Variants in NCS1 observed in about 807,000 individuals in gnomAD.
NCS1 encodes the protein neuronal calcium sensor 1, also known as frequenin homolog.
In NCS1, 6 loss-of-function variants were observed where a neutral mutation model predicts 28.4. That is an observed-to-expected ratio of 0.21 (90% confidence interval 0.12 to 0.42). NCS1 has a LOEUF of 0.42. NCS1 is among the 10% of genes least tolerant of loss of function. The probability of loss-of-function intolerance (pLI) is 1.00; values close to 1 mark genes in which losing one functional copy is unlikely to be tolerated. For synonymous variants in NCS1, 86 were observed against 99.3 expected (o/e 0.87, Z 0.79); for missense variants, 131 against 241.4 (o/e 0.54, Z 3.03).
In NCS1 at chr9:130,172,581, G is replaced by A; in HGVS notation, c.-83G>A. The stretch of plus-strand genomic sequence containing the variant: ...CGCCGCAGACAAAGGCGCGGCCCCG[G>A]CCCGGCCCGCCCGGCCCAGCCGCTC... On this transcript the variant is annotated 5_prime_UTR_variant, in exon 1 of 8. Coordinates refer to ENST00000372398, the MANE Select transcript of NCS1 (RefSeq NM_014286.4). 1 of 702,168 alleles carries A rather than the reference G, an allele frequency of 1.4e-6. No homozygotes were observed. The highest frequency in any genetic ancestry group is 6.1e-5 in the South Asian group (1 of 16,298). The allele number at this position is 702,168 out of a possible 1,614,324, so 43.5% of individuals were successfully genotyped here. A position where few individuals can be genotyped will look rare whatever the true frequency, so the allele number is the denominator to read the frequency against.
chr9:130,217,920 G>C lies in NCS1; in HGVS notation c.178G>C (p.Asp60His). The part of the protein sequence containing the change: ...KIYKQFFPFG[D>H]PTKFATFVFN... ...CTACAAGCAATTCTTCCCGTTCGGAGACCCCACCAAGTTTGCCACATTTGT... is the reference window on the plus strand; with the variant it reads ...CTACAAGCAATTCTTCCCGTTCGGACACCCCACCAAGTTTGCCACATTTGT... Residue 60 changes from aspartate to histidine, a missense_variant, in exon 3 of 8, where the codon GAC (aspartate) becomes CAC (histidine). This residue lies in a region of NCS1 where 100 missense variants were observed against 210.3 expected (regional missense o/e 0.48). Coordinates refer to ENST00000372398, the MANE Select transcript of NCS1 (RefSeq NM_014286.4). The C allele has an allele frequency of 6.2e-7, 1 of 1,614,160 alleles. No homozygotes were observed.
chr9:130,220,542 C>CGCGTGT (rs1564713218), intron 4 of NCS1, among the ~76,000 whole-genome samples: 1 of 151,848 alleles, frequency 6.6e-6, no homozygotes, highest in African/African-American at 2.4e-5. Context: ...CCAGGGGGCC[C>CGCGTGT]GCGTGTGCGA....
At chr9:130,202,091 C>T (rs1270105444) in intron 2 of NCS1, among the ~76,000 whole-genome samples, 1 of 152,230 alleles carries the variant, frequency 6.6e-6, no homozygotes, top group African/African-American at 2.4e-5. Flanking sequence ...CCTGACCATG[C>T]CAGGCGTCTG....
Position 130,172,660 on chromosome 9 carries a change from G to A in NCS1, c.-4G>A, listed in dbSNP as rs1554904181. 5.5e-6 allele frequency: 8 copies of A among 1,467,240 alleles called. No homozygotes were observed. In the Middle Eastern group the frequency reaches 7.5e-4, roughly 138 times the overall value. The allele number at this position is 1,467,240 out of a possible 1,614,324, so 90.9% of individuals were successfully genotyped here. On this transcript the variant is annotated 5_prime_UTR_variant, in exon 1 of 8. Transcript: ENST00000372398. ...CGGGGGGGCGGGGGCCGCGGCCGCC[G>A]AGGATGGGGAAATCCAACAGCAAGT... is the stretch of plus-strand genomic sequence containing the variant.
In NCS1 at chr9:130,226,318, C is replaced by G. The variant is rs1833413996; in HGVS notation, c.475-71C>G. The G allele has an allele frequency of 1.5e-6, 2 of 1,360,136 alleles. No homozygotes were observed. Among genetic ancestry groups the G allele is most frequent in the Non-Finnish European group, 2.1e-6 (2 of 957,466 alleles). The allele number at this position is 1,360,136 out of a possible 1,614,324, so 84.3% of individuals were successfully genotyped here. A position where few individuals can be genotyped will look rare whatever the true frequency, so the allele number is the denominator to read the frequency against. On this transcript the variant is annotated intron_variant, in intron 6 of 7. Coordinates refer to ENST00000372398, the MANE Select transcript of NCS1 (RefSeq NM_014286.4). The surrounding 1 kb of genome is among the most constrained non-coding windows in gnomAD (Gnocchi z 4.8). ...CCTTGGAAGGGCTCTTGGGACCGGCCCTGGGCTGGGCTTGTCTAGAGCCCT... is the reference window on the plus strand; with the variant it reads ...CCTTGGAAGGGCTCTTGGGACCGGCGCTGGGCTGGGCTTGTCTAGAGCCCT...
At chr9:130,208,210 G>A (rs1473012968) in intron 2 of NCS1, among the ~76,000 whole-genome samples, 3 of 116,636 alleles carry the variant, frequency 2.6e-5, no homozygotes, top group Admixed American at 1.1e-4. Context: ...GAGGCTGGTC[G>A]TGGGTGTGTG....
At chr9:130,203,107 T>TGC (rs1429860578) in intron 2 of NCS1, among the ~76,000 whole-genome samples, 8 of 148,000 alleles carry the variant, frequency 5.4e-5, no homozygotes, top group African/African-American at 2.0e-4. Context: ...TATGTGTGTG[T>TGC]GTGTGCGTGT....
chr9:130,229,004 ATTATTATTT>A (rs1554911787), intron 7 of NCS1, among the ~76,000 whole-genome samples: 1 of 151,912 alleles, frequency 6.6e-6, no homozygotes, highest in African/African-American at 2.4e-5. Flanking sequence ...TGTTATTATT[ATTATTATTT>A]TTCACAAGAA....
At chr9:130,205,007 C>T (rs541639879) in intron 2 of NCS1, among the ~76,000 whole-genome samples, 14 of 151,982 alleles carry the variant, frequency 9.2e-5, no homozygotes, top group African/African-American at 3.1e-4. Flanking sequence ...ACCCCAGGCC[C>T]CGACATACAC....
In NCS1 at chr9:130,233,436, T is replaced by G. The variant is rs537295147; in HGVS notation, c.*464T>G. Reference sequence around the variant, plus strand: ...TCTGCCTTGCCCTCGTCCCTCGTCCTTCGGCAGCCGGAGAGGCTGTGGGTG... The same window carrying G: ...TCTGCCTTGCCCTCGTCCCTCGTCCGTCGGCAGCCGGAGAGGCTGTGGGTG... On this transcript the variant is annotated 3_prime_UTR_variant, in exon 8 of 8. Coordinates refer to ENST00000372398, the MANE Select transcript of NCS1 (RefSeq NM_014286.4). The surrounding 1 kb of genome is among the most constrained non-coding windows in gnomAD (Gnocchi z 4.8). 2 of 152,708 alleles carry G rather than the reference T, an allele frequency of 1.3e-5. No homozygotes were observed. Among genetic ancestry groups the G allele is most frequent in the South Asian group, 4.1e-4 (2 of 4,826 alleles). 9.5% of individuals were successfully genotyped at this position (152,708 alleles called of 1,614,324 possible).
At position 130,180,345 on chromosome 9, in the gene NCS1, T is replaced by G. The variant is rs903622048; in HGVS notation, c.64+7618T>G. On this transcript the variant is annotated intron_variant, in intron 1 of 7. Transcript: ENST00000372398. The surrounding 1 kb of genome is among the most constrained non-coding windows in gnomAD (Gnocchi z 4.5). ...CACCACGCCTGGCCTAGGGATGTCTTGACTTCTTCACTGAGGTCTTCTGCT... is the reference window on the plus strand; with the variant it reads ...CACCACGCCTGGCCTAGGGATGTCTGGACTTCTTCACTGAGGTCTTCTGCT... Among the ~76,000 whole-genome samples the G allele has an allele frequency of 2.0e-5, 3 of 152,150 alleles. No individual in the cohort carries two copies. Among genetic ancestry groups the G allele is most frequent in the African/African-American group, 7.2e-5 (3 of 41,444 alleles).
rs1200663616 is a variant in NCS1 at position 130,175,294 on chromosome 9, A to T, written c.64+2567A>T. 6.6e-6 allele frequency among the ~76,000 whole-genome samples: 1 copy of T among 152,098 alleles called. No individual in the cohort carries two copies. The highest frequency in any genetic ancestry group is 1.5e-5 in the Non-Finnish European group (1 of 68,004). ...CCGCCCCCAGATGGGCTTCCTTCTG[A>T]TGGGGAGTGGAGCCATCTGCTCTTT... On this transcript the variant is annotated intron_variant, in intron 1 of 7. Coordinates refer to ENST00000372398, the MANE Select transcript of NCS1 (RefSeq NM_014286.4). The surrounding 1 kb of genome is among the most constrained non-coding windows in gnomAD (Gnocchi z 4.9).
At chr9:130,229,824 TTTATTTGCCTCCTCAGG>T (rs1345960679) in intron 7 of NCS1, among the ~76,000 whole-genome samples, 2 of 152,258 alleles carry the variant, frequency 1.3e-5, no homozygotes, top group Non-Finnish European at 2.9e-5. Flanking sequence ...ATTTTAATGA[TTTATTTGCCTCCTCAGG>T]TTCCTGATAG....
chr9:130,228,389 G>GT (rs770801468), intron 7 of NCS1, among the ~76,000 whole-genome samples: 172 of 150,684 alleles, frequency 1.1e-3, no homozygotes, highest in Non-Finnish European at 1.5e-3. Context: ...GTTTTGTTTT[G>GT]TTTTTTTTCT....
chr9:130,211,149 A>T (rs2089218494), intron 2 of NCS1, among the ~76,000 whole-genome samples: 1 of 149,616 alleles, frequency 6.7e-6, no homozygotes, highest in South Asian at 2.1e-4. Context: ...CACCTGACCC[A>T]GCCTCCTGTT....
At chr9:130,178,866 C>CCTCCT (rs1336272738) in intron 1 of NCS1, among the ~76,000 whole-genome samples, 3 of 42,876 alleles carry the variant, frequency 7.0e-5, no homozygotes, top group African/African-American at 2.5e-4. Context: ...CCTCCCCTCC[C>CCTCCT]CTCCCCTCCC....
chr9:130,186,429 T>C lies in NCS1; in HGVS notation c.64+13702T>C, dbSNP rs1832739393. Among the ~76,000 whole-genome samples the C allele has an allele frequency of 6.6e-6, 1 of 152,168 alleles. No homozygotes were observed. The highest frequency in any genetic ancestry group is 1.5e-5 in the Non-Finnish European group (1 of 68,028). Reference sequence around the variant, plus strand: ...AAAATGATTTGCTGTTTACCTGATATTTGAACTTAACAGGGTATCTGTATT... The same window carrying C: ...AAAATGATTTGCTGTTTACCTGATACTTGAACTTAACAGGGTATCTGTATT... On this transcript the variant is annotated intron_variant, in intron 1 of 7. Transcript: ENST00000372398. This position sits in a 1 kb window ranked among gnomAD's most constrained non-coding sequence, Gnocchi z 4.1.
At chr9:130,187,905 C>T (rs1162128376) in intron 1 of NCS1, among the ~76,000 whole-genome samples, 3 of 152,220 alleles carry the variant, frequency 2.0e-5, no homozygotes, top group East Asian at 1.9e-4. Flanking sequence ...AGCTTTGTGT[C>T]TCCCACCCCT....
At chr9:130,227,571 CTG>C (rs1554911578) in intron 7 of NCS1, among the ~76,000 whole-genome samples, 1 of 152,170 alleles carries the variant, frequency 6.6e-6, no homozygotes, top group African/African-American at 2.4e-5. Context: ...TGGGTATTTT[CTG>C]TCTTTTCAAA....
Sources: allele counts gnomAD v4.1 joint callset (sites outside exome capture counted in the v4.1 genomes callset), GRCh38; gene constraint gnomAD v4.1.1; regional missense constraint gnomAD v4.1.1; non-coding constraint Gnocchi (gnomAD v3.1); transcripts MANE v1.5; gene names NCBI Gene and HGNC (gene_info 2026-07-23, HGNC 2026-07-21).